Variants in SLC7A1 observed in about 807,000 individuals in gnomAD.
The protein encoded by SLC7A1 is solute carrier family 7 member 1, also known as high affinity cationic amino acid transporter 1.
SLC7A1 carries 10 observed loss-of-function variants against 53.9 expected under a neutral mutation model. The ratio of observed to expected loss-of-function variants is 0.19; its 90% CI spans 0.11 to 0.31. The LOEUF (loss-of-function observed/expected upper bound fraction) is 0.31. Ranked by LOEUF, SLC7A1 falls within the 10% of genes least tolerant of loss-of-function variation. The pLI, the probability that SLC7A1 is intolerant of heterozygous loss-of-function variation, is 1.00. For missense variants in SLC7A1, 525 were observed against 827.2 expected, an observed-to-expected ratio of 0.63 and a Z score of 4.48; for synonymous variants, 342 against 338.7, an observed-to-expected ratio of 1.01 and a Z score of -0.11.
At chr13:29,523,851 C>T (rs565701075) in intron 6 of SLC7A1, among the ~76,000 whole-genome samples, 13 of 152,348 alleles carry the variant, frequency 8.5e-5, no homozygotes, top group East Asian at 5.8e-4. Context: ...TCCCGGAAGA[C>T]GCTCAGATAT....
intron 10 of SLC7A1, 76 bp downstream of exon 10, chr13:29,517,497 C>T: frequency 2.3e-6 from 3 of 1,316,512 alleles, no homozygotes; most frequent in East Asian, 2.3e-5. Context: ...CTGGCACCTT[C>T]CCCCAACTCC....
chr13:29,559,876 C>G (rs544933366), intron 1 of SLC7A1, among the ~76,000 whole-genome samples: 2 of 152,106 alleles, frequency 1.3e-5, no homozygotes, highest in African/African-American at 4.8e-5. Context: ...CCACCGCGCC[C>G]GGATAATTTT....
At chr13:29,567,925 C>T (rs1011058831) in intron 1 of SLC7A1, among the ~76,000 whole-genome samples, 4 of 151,910 alleles carry the variant, frequency 2.6e-5, no homozygotes, top group Non-Finnish European at 5.9e-5. Context: ...GTGAGGTGGC[C>T]CTAACTTCTA....
intron 2 of SLC7A1, among the ~76,000 whole-genome samples, chr13:29,540,800 C>A (rs1049990897): frequency 6.6e-6 from 1 of 152,246 alleles, no homozygotes; most frequent in Non-Finnish European, 1.5e-5. Flanking sequence ...GGAAATCTTT[C>A]ACCCTCGCAG....
chr13:29,519,859 C>T (rs1868547370), intron 8 of SLC7A1, among the ~76,000 whole-genome samples: 1 of 152,130 alleles, frequency 6.6e-6, no homozygotes, highest in Non-Finnish European at 1.5e-5. Context: ...TAAACATTCA[C>T]AAAGGTTAGG....
rs1024374156 is a variant in SLC7A1, at chr13:29,513,257, C to A, written c.*1223G>T. On this transcript the variant is annotated 3_prime_UTR_variant, in exon 13 of 13. Coordinates refer to ENST00000380752, the MANE Select transcript of SLC7A1 (RefSeq NM_003045.5). ...CCGAAGCATCCGGATGACAGATACA[C>A]AAAAGGGACAGCAATATGCCTAGAA... is the stretch of plus-strand genomic sequence containing the variant. 1 of 152,672 alleles carries A rather than the reference C, an allele frequency of 6.5e-6. No homozygotes were observed. Among genetic ancestry groups the A allele is most frequent in the Admixed American group, 6.5e-5 (1 of 15,288 alleles). 9.5% of individuals were successfully genotyped at this position (152,672 alleles called of 1,614,324 possible). A position where few individuals can be genotyped will look rare whatever the true frequency, so the allele number is the denominator to read the frequency against.
At chr13:29,521,371 C>T (rs928075415) in intron 8 of SLC7A1, among the ~76,000 whole-genome samples, 3 of 152,214 alleles carry the variant, frequency 2.0e-5, no homozygotes, top group South Asian at 4.1e-4. Flanking sequence ...TGTGACTGAT[C>T]TCACATGCCC....
intron 2 of SLC7A1, among the ~76,000 whole-genome samples, chr13:29,541,156 C>T (rs1593554352): frequency 6.6e-6 from 1 of 152,260 alleles, no homozygotes; most frequent in Admixed American, 6.5e-5. Flanking sequence ...AAAGCAGGAT[C>T]CACTTCCCCC....
At chr13:29,535,246 G>A (rs1434389980) in intron 3 of SLC7A1, among the ~76,000 whole-genome samples, 4 of 152,190 alleles carry the variant, frequency 2.6e-5, no homozygotes, top group Admixed American at 1.3e-4. Context: ...AATACATTAC[G>A]CTGTGTATAT....
intron 1 of SLC7A1, among the ~76,000 whole-genome samples, chr13:29,562,021 T>C (rs1566270251): frequency 6.6e-6 from 1 of 152,352 alleles, no homozygotes; most frequent in East Asian, 1.9e-4. Flanking sequence ...GGCTCACAAA[T>C]GGATGGTACT....
intron 1 of SLC7A1, among the ~76,000 whole-genome samples, chr13:29,557,169 A>G (rs1870474664): frequency 6.6e-6 from 1 of 152,236 alleles, no homozygotes; most frequent in Non-Finnish European, 1.5e-5. Flanking sequence ...CCTCAGACGT[A>G]AAGAGTTTAA....
chr13:29,584,177 G>A (rs571577778), intron 1 of SLC7A1, among the ~76,000 whole-genome samples: 64 of 150,742 alleles, frequency 4.2e-4, no homozygotes, highest in African/African-American at 1.5e-3. Flanking sequence ...GCAATGGCAC[G>A]ATCTCGTCTC....
intron 5 of SLC7A1, 61 bp downstream of exon 5, chr13:29,530,477 C>T: frequency 1.4e-6 from 2 of 1,420,696 alleles, no homozygotes; most frequent in Admixed American, 1.7e-5. Flanking sequence ...CAGTTATATC[C>T]CCCATACAAT....
At chr13:29,557,541 G>A (rs961743856) in intron 1 of SLC7A1, among the ~76,000 whole-genome samples, 2 of 151,986 alleles carry the variant, frequency 1.3e-5, no homozygotes, top group African/African-American at 2.4e-5. Context: ...TCTGTGAATG[G>A]AAACATAGAA....
intron 1 of SLC7A1, among the ~76,000 whole-genome samples, chr13:29,573,804 G>A (rs1483635093): frequency 2.6e-5 from 4 of 152,214 alleles, no homozygotes. Context: ...TGGGCATCCA[G>A]TATTTTTATT....
intron 1 of SLC7A1, among the ~76,000 whole-genome samples, chr13:29,589,196 A>G (rs989500000): frequency 2.0e-5 from 3 of 152,386 alleles, no homozygotes; most frequent in African/African-American, 4.8e-5. Flanking sequence ...AGCAAAGCCA[A>G]GCCAAGGGCA....
rs140418174 is a variant in SLC7A1 at position 29,523,343 on chromosome 13, G to A, written c.972C>T (p.Pro324=). The change falls in exon 7 of 13, where the codon CCC becomes CCT. Residue 324 remains proline, a synonymous_variant. Coordinates refer to ENST00000380752, the MANE Select transcript of SLC7A1 (RefSeq NM_003045.5). ...YFCLDNNSPL[P]DAFKHVGWEG... ...CCCAGCCCACGTGCTTAAAGGCGTC[G>A]GGCAGGGGGCTGTTATTGTCCAGGC... The A allele has an allele frequency of 2.2e-4, 356 of 1,613,634 alleles. No homozygotes were observed. Among genetic ancestry groups the A allele is most frequent in the Non-Finnish European group, 2.9e-4 (339 of 1,180,030 alleles).
At chr13:29,574,222 T>C (rs1871314781) in intron 1 of SLC7A1, among the ~76,000 whole-genome samples, 1 of 152,208 alleles carries the variant, frequency 6.6e-6, no homozygotes, top group Non-Finnish European at 1.5e-5. Flanking sequence ...TGTGACATTC[T>C]CTTTCATTCA....
chr13:29,556,799 CA>C (rs1870459329), intron 1 of SLC7A1, among the ~76,000 whole-genome samples: 1 of 152,182 alleles, frequency 6.6e-6, no homozygotes, highest in Non-Finnish European at 1.5e-5. Context: ...GTTTGAGAAC[CA>C]CTGCTTGTAA....
Sources: gnomAD v4.1 joint callset for allele counts (sites outside exome capture counted in the v4.1 genomes callset) on GRCh38, gnomAD v4.1.1 for gene constraint, MANE v1.5 for transcripts, NCBI Gene and HGNC (gene_info 2026-07-23, HGNC 2026-07-21) for gene names.